Variants in COA1 observed in about 807,000 individuals in gnomAD.
The protein encoded by COA1 is cytochrome c oxidase assembly factor 1 homolog.
Under a neutral mutation model 16.0 loss-of-function variants are expected in COA1, and 13 were observed. The observed-to-expected ratio is 0.81, with a 90% CI of 0.53 to 1.29. The LOEUF is 1.29. COA1 is among the 50% of genes most tolerant of loss of function. COA1 has a pLI of 0.00. For missense variants in COA1, 179 were observed against 177.0 expected (o/e 1.01, Z -0.06); for synonymous variants, 65 against 65.7 (o/e 0.99, Z 0.05).
Position 43,662,518 on chromosome 7 carries a change from C to T in COA1, c.-38-13866G>A, listed in dbSNP as rs528213756. ...GTGCTGGGATTACAGGCGTGAGCCACTGCATCTGGCCTATTTTCATATATT... is the reference window on the plus strand; with the variant it reads ...GTGCTGGGATTACAGGCGTGAGCCATTGCATCTGGCCTATTTTCATATATT... On this transcript the variant is annotated intron_variant, in intron 1 of 5. Transcript: ENST00000223336. Among the ~76,000 whole-genome samples, 6 of 152,366 alleles carry T rather than the reference C, an allele frequency of 3.9e-5. No homozygotes were observed. The South Asian group carries it at 1.2e-3, about 32-fold the overall frequency.
chr7:43,679,244 G>A (rs1269132863), intron 1 of COA1, among the ~76,000 whole-genome samples: 1 of 142,164 alleles, frequency 7.0e-6, no homozygotes, highest in Non-Finnish European at 1.5e-5. Context: ...TCCAGCCTGG[G>A]CAAGAGCTAA....
At chr7:43,691,152 G>A (rs1033306077) in intron 1 of COA1, among the ~76,000 whole-genome samples, 5 of 150,176 alleles carry the variant, frequency 3.3e-5, no homozygotes, top group Non-Finnish European at 4.4e-5. Flanking sequence ...AGGCTGCAGT[G>A]GAAGGATTGC....
At position 43,640,623 on chromosome 7, in the gene COA1, T is replaced by C. The variant is rs776899561; in HGVS notation, c.291A>G (p.Lys97=). The C allele has an allele frequency of 4.4e-6, 7 of 1,607,754 alleles. No individual in the cohort carries two copies. ...AGTGGACGTAGAGAAGGCCCTCTGA[T>C]TTGGATCCAGAGACAGGAATCTTCA... ...AKLKIPVSGS[K]SEGLLYVHSS... The change falls in exon 5 of 6, where the codon AAA becomes AAG. Residue 97 remains lysine (K), a synonymous_variant. Coordinates refer to ENST00000223336, the MANE Select transcript of COA1 (RefSeq NM_018224.4).
chr7:43,664,704 G>A (rs534047435), intron 1 of COA1, among the ~76,000 whole-genome samples: 1 of 152,244 alleles, frequency 6.6e-6, no homozygotes, highest in East Asian at 1.9e-4. Flanking sequence ...CCATAATCAT[G>A]CCACCATACT....
chr7:43,692,959 A>C (rs1333622792), intron 1 of COA1, among the ~76,000 whole-genome samples: 2 of 152,168 alleles, frequency 1.3e-5, no homozygotes, highest in Non-Finnish European at 2.9e-5. Context: ...TTTTTTAAAA[A>C]TAAATTATCT....
chr7:43,612,147 C>T (rs2082937997), intron 6 of COA1, among the ~76,000 whole-genome samples: 1 of 152,186 alleles, frequency 6.6e-6, no homozygotes, highest in Admixed American at 6.5e-5. Context: ...ATGACGATGA[C>T]AGGCCTTTGA....
intron 1 of COA1, chr7:43,657,116 A>G (rs10242625): frequency 0.15 from 22,363 of 152,242 alleles, 2,195 homozygotes; most frequent in Non-Finnish European, 0.21. Flanking sequence ...TACCTTGCAA[A>G]GTACAACATG....
intron 6 of COA1, among the ~76,000 whole-genome samples, chr7:43,612,799 G>A (rs904367450): frequency 6.6e-6 from 1 of 150,948 alleles, no homozygotes; most frequent in African/African-American, 2.4e-5. Context: ...ATAGAGCTGG[G>A]AAAGTTCTTG....
chr7:43,625,737 G>C (rs755165070), intron 6 of COA1: 8 of 130,816 alleles, frequency 6.1e-5, no homozygotes, highest in Non-Finnish European at 9.8e-5. Flanking sequence ...CCCAAAGTGA[G>C]TAAAATCCCC....
At chr7:43,653,851 T>C (rs1380370195) in intron 1 of COA1, among the ~76,000 whole-genome samples, 54 of 152,152 alleles carry the variant, frequency 3.5e-4, no homozygotes, top group Admixed American at 3.5e-3. Context: ...ATTAATGATT[T>C]TTTTTAAAGA....
intron 6 of COA1, chr7:43,624,711 G>T: frequency 6.2e-7 from 1 of 1,614,064 alleles, no homozygotes; most frequent in Non-Finnish European, 8.5e-7. Context: ...AGAGTTAATT[G>T]TAGTTACTTC....
downstream of COA1, among the ~76,000 whole-genome samples, chr7:43,634,738 T>C (rs970750283): frequency 6.6e-6 from 1 of 152,156 alleles, no homozygotes; most frequent in Non-Finnish European, 1.5e-5. Context: ...TTGCATAGAG[T>C]AGGGCAGTTA....
intron 1 of COA1, among the ~76,000 whole-genome samples, chr7:43,652,104 G>A (rs993964964): frequency 3.3e-5 from 5 of 152,190 alleles, no homozygotes; most frequent in South Asian, 2.1e-4. Flanking sequence ...TCAAGTAGTC[G>A]CAATCTGCAG....
chr7:43,662,292 C>T lies in COA1; in HGVS notation c.-38-13640G>A, dbSNP rs181395950. ...TCACCCAGGCTGGAGTGCAGTGGCA[C>T]GATCCTGGCTCACTGCAACCTCCGC... On this transcript the variant is annotated intron_variant, in intron 1 of 5. Coordinates refer to ENST00000223336, the MANE Select transcript of COA1 (RefSeq NM_018224.4). Among the ~76,000 whole-genome samples, 112 of 152,336 alleles carry T rather than the reference C, an allele frequency of 7.4e-4. 1 individual carries two copies. In the East Asian group the frequency reaches 0.02, roughly 28 times the overall value.
At chr7:43,657,978 TC>T in intron 1 of COA1, among the ~76,000 whole-genome samples, 1 of 152,024 alleles carries the variant, frequency 6.6e-6, no homozygotes, top group Admixed American at 6.6e-5. Context: ...TGAGCCAAGA[TC>T]CTGCCACTGT....
At chr7:43,703,254 C>T (rs2094824003) in intron 1 of COA1, among the ~76,000 whole-genome samples, 1 of 152,068 alleles carries the variant, frequency 6.6e-6, no homozygotes, top group African/African-American at 2.4e-5. Context: ...TATGGCCAAG[C>T]ATGTGGTCAA....
intron 1 of COA1, among the ~76,000 whole-genome samples, chr7:43,656,412 CAT>C (rs1327250622): frequency 6.6e-6 from 1 of 152,160 alleles, no homozygotes; most frequent in Non-Finnish European, 1.5e-5. Flanking sequence ...TAAGACAAAA[CAT>C]AGGCCAGGCA....
chr7:43,623,856 T>C, intron 6 of COA1: 2 of 1,590,560 alleles, frequency 1.3e-6, no homozygotes, highest in Non-Finnish European at 1.7e-6. Flanking sequence ...CGGCTGTTGA[T>C]TTCATCAGGA....
downstream of COA1, among the ~76,000 whole-genome samples, chr7:43,638,394 G>A (rs2086262863): frequency 6.6e-6 from 1 of 152,016 alleles, no homozygotes; most frequent in African/African-American, 2.4e-5. Context: ...TGTTTTTGTA[G>A]GCTCTGGTGC....
Sources: gnomAD v4.1 joint callset for allele counts (sites outside exome capture counted in the v4.1 genomes callset) on GRCh38, gnomAD v4.1.1 for gene constraint, MANE v1.5 for transcripts, NCBI Gene and HGNC (gene_info 2026-07-23, HGNC 2026-07-21) for gene names.